CSMD1: variants seen among roughly 807,000 people sequenced by gnomAD.
CSMD1 encodes the protein CUB and Sushi multiple domains 1.
Under a neutral mutation model 417.5 loss-of-function variants are expected in CSMD1, and 213 were observed. That is an observed-to-expected ratio of 0.51 (90% CI 0.46 to 0.57). The LOEUF (loss-of-function observed/expected upper bound fraction) is 0.57. CSMD1 is among the 20% of genes least tolerant of loss of function. CSMD1 has a pLI of 0.00. For synonymous variants in CSMD1, 2,862 were observed against 1,736.8 expected (o/e 1.65, Z -16.11); for missense variants, 6,923 against 4,529.7 (o/e 1.53, Z -15.17).
chr8:4,792,891 C>T (rs530735771), intron 1 of CSMD1, among the ~76,000 whole-genome samples: 1 of 151,806 alleles, frequency 6.6e-6, no homozygotes. Context: ...TGCTCTCTGC[C>T]AGCACATTTG....
At chr8:4,298,061 A>G (rs918424810) in intron 3 of CSMD1, among the ~76,000 whole-genome samples, 1 of 152,156 alleles carries the variant, frequency 6.6e-6, no homozygotes, top group East Asian at 1.9e-4. Flanking sequence ...CTACCAGTAC[A>G]TGCTAGCGTC....
intron 48 of CSMD1, among the ~76,000 whole-genome samples, chr8:3,088,883 A>C (rs1462956969): frequency 1.3e-5 from 2 of 151,308 alleles, no homozygotes; most frequent in Non-Finnish European, 2.9e-5. Context: ...AAATAGAAGG[A>C]ACAATCAGAC....
chr8:4,796,955 T>C (rs1798013002), intron 1 of CSMD1, among the ~76,000 whole-genome samples: 1 of 152,244 alleles, frequency 6.6e-6, no homozygotes, highest in African/African-American at 2.4e-5. Flanking sequence ...AGAGCGGCCC[T>C]GATTGCCTGG....
At chr8:3,885,527 G>A (rs58545028) in intron 5 of CSMD1, among the ~76,000 whole-genome samples, 4 of 152,176 alleles carry the variant, frequency 2.6e-5, no homozygotes, top group African/African-American at 9.6e-5. Context: ...TGTTGTCTCA[G>A]AATACTAGGG....
chr8:3,843,375 A>G (rs76038423), intron 5 of CSMD1, among the ~76,000 whole-genome samples: 9,602 of 152,214 alleles, frequency 0.063, 891 homozygotes, highest in African/African-American at 0.2. Flanking sequence ...TGCTTACAGT[A>G]TGTAATTATA....
intron 7 of CSMD1, among the ~76,000 whole-genome samples, chr8:3,685,436 T>G (rs1163495011): frequency 6.6e-6 from 1 of 152,138 alleles, no homozygotes; most frequent in Non-Finnish European, 1.5e-5. Context: ...TCACGATTAC[T>G]GCCAAGGAAG....
intron 49 of CSMD1, among the ~76,000 whole-genome samples, chr8:3,064,132 C>A (rs1812765824): frequency 3.9e-5 from 6 of 152,340 alleles, no homozygotes; most frequent in Non-Finnish European, 7.3e-5. Context: ...TTAGAGGACA[C>A]AGGTTACTGA....
intron 26 of CSMD1, among the ~76,000 whole-genome samples, chr8:3,268,287 C>CTTTTT (rs1172040830): frequency 0.024 from 2,702 of 113,810 alleles, 163 homozygotes; most frequent in South Asian, 0.037. Flanking sequence ...GGTTCATTTC[C>CTTTTT]TATTTTTTTT....
At chr8:4,960,589 T>A (rs1230899848) in intron 1 of CSMD1, among the ~76,000 whole-genome samples, 1 of 152,196 alleles carries the variant, frequency 6.6e-6, no homozygotes, top group African/African-American at 2.4e-5. Flanking sequence ...ATAGATAGAA[T>A]AATGCCAGTG....
chr8:4,321,689 T>A (rs148808951), intron 3 of CSMD1, among the ~76,000 whole-genome samples: 2 of 152,202 alleles, frequency 1.3e-5, no homozygotes, highest in Non-Finnish European at 2.9e-5. Flanking sequence ...CCTAAGATAG[T>A]GATAGGAATC....
chr8:4,525,374 C>G (rs75963470), intron 2 of CSMD1, among the ~76,000 whole-genome samples: 1 of 152,252 alleles, frequency 6.6e-6, no homozygotes, highest in East Asian at 1.9e-4. Flanking sequence ...CTTAACACTC[C>G]CCTTCCACTC....
intron 1 of CSMD1, among the ~76,000 whole-genome samples, chr8:4,674,742 G>A (rs1210834428): frequency 1.3e-5 from 2 of 152,138 alleles, no homozygotes; most frequent in Non-Finnish European, 2.9e-5. Flanking sequence ...AAAATGCAAG[G>A]TTTCCTGGCC....
intron 5 of CSMD1, among the ~76,000 whole-genome samples, chr8:3,860,801 C>G (rs1011392621): frequency 1.3e-5 from 2 of 152,160 alleles, no homozygotes; most frequent in South Asian, 2.1e-4. Context: ...ACACTTAACT[C>G]TAACCATAGT....
intron 2 of CSMD1, among the ~76,000 whole-genome samples, chr8:4,471,514 C>T (rs1035597777): frequency 6.6e-6 from 1 of 152,088 alleles, no homozygotes; most frequent in Non-Finnish European, 1.5e-5. Context: ...TGGGTGGTCA[C>T]AGGACGGCAC....
intron 3 of CSMD1, among the ~76,000 whole-genome samples, chr8:4,252,106 T>C (rs1156855271): frequency 3.9e-5 from 6 of 152,080 alleles, no homozygotes; most frequent in Non-Finnish European, 7.4e-5. Flanking sequence ...ACAGTACAGG[T>C]GGTAGAGAAC....
intron 3 of CSMD1, among the ~76,000 whole-genome samples, chr8:4,132,483 G>C (rs773867652): frequency 1.3e-5 from 2 of 152,026 alleles, no homozygotes; most frequent in African/African-American, 2.4e-5. Context: ...CAGGAACATG[G>C]GTAGTATAAT....
chr8:4,576,958 C>T (rs981648939), intron 2 of CSMD1, among the ~76,000 whole-genome samples: 1 of 152,182 alleles, frequency 6.6e-6, no homozygotes, highest in African/African-American at 2.4e-5. Flanking sequence ...AAGCTCTCAG[C>T]TAAGTTTTCT....
intron 10 of CSMD1, among the ~76,000 whole-genome samples, chr8:3,520,544 T>C (rs1797464651): frequency 6.6e-6 from 1 of 152,180 alleles, no homozygotes; most frequent in Non-Finnish European, 1.5e-5. Context: ...GGTTGTCAAA[T>C]CCCATCATTT....
intron 1 of CSMD1, among the ~76,000 whole-genome samples, chr8:4,952,021 T>C (rs1246638551): frequency 1.3e-5 from 2 of 151,222 alleles, no homozygotes; most frequent in African/African-American, 2.4e-5. Flanking sequence ...ATATATAATA[T>C]AGAAATACAT....
Sources: gnomAD v4.1 joint callset for allele counts (sites outside exome capture counted in the v4.1 genomes callset) on GRCh38, gnomAD v4.1.1 for gene constraint, MANE v1.5 for transcripts, NCBI Gene and HGNC (gene_info 2026-07-23, HGNC 2026-07-21) for gene names.